The following PCED1A variants were observed in gnomAD, a reference collection of about 807,000 sequenced individuals.
PCED1A encodes the protein PC-esterase domain containing 1A.
Under a neutral mutation model 41.9 loss-of-function variants are expected in PCED1A, and 20 were observed. The observed-to-expected ratio is 0.48, with a 90% CI of 0.34 to 0.69. The LOEUF is 0.69. Among genes scored for constraint, PCED1A ranks in the 30% least tolerant of loss-of-function variants. The pLI, the probability that PCED1A is intolerant of heterozygous loss-of-function variation, is 0.01. For missense variants in PCED1A, 498 were observed against 602.1 expected, an observed-to-expected ratio of 0.83 and a Z score of 1.81; for synonymous variants, 236 against 241.3, an observed-to-expected ratio of 0.98 and a Z score of 0.20.
upstream of PCED1A, chr20:2,840,988 A>T (rs1304197443): frequency 1.5e-6 from 1 of 678,928 alleles, no homozygotes; most frequent in African/African-American, 1.9e-5. Context: ...GCCTTTGGGC[A>T]GGGAGCCGGG....
At chr20:2,836,955 G>A (rs1228961490) in intron 6 of PCED1A, among the ~76,000 whole-genome samples, 2 of 152,108 alleles carry the variant, frequency 1.3e-5, no homozygotes, top group Non-Finnish European at 2.9e-5. Context: ...CTGCCACTGT[G>A]CCCTCAGTTT....
At position 2,839,904 on chromosome 20, in the gene PCED1A, G is replaced by A. The variant is rs143418384; in HGVS notation, c.9C>T (p.Phe3=). The A allele has an allele frequency of 8.7e-6, 14 of 1,612,616 alleles. No individual in the cohort carries two copies. Among genetic ancestry groups the A allele is most frequent in the Non-Finnish European group, 1.1e-5 (13 of 1,179,752 alleles). MV[F]CLSSEEPRRP... ...GGCGCGGCTCCTCGCTCGACAGACAGAAGACCATGCCGCCACCAGCAACGA... is the reference window on the plus strand; with the variant it reads ...GGCGCGGCTCCTCGCTCGACAGACAAAAGACCATGCCGCCACCAGCAACGA... The change falls in exon 2 of 8, where the codon TTC becomes TTT. Residue 3 remains phenylalanine, a synonymous_variant. Transcript: ENST00000360652.
upstream of PCED1A, chr20:2,840,807 C>G: frequency 6.5e-7 from 1 of 1,548,172 alleles, no homozygotes; most frequent in Non-Finnish European, 8.7e-7. Context: ...GGAACCCACT[C>G]GGGGACTCTG....
Position 2,836,261 on chromosome 20 carries a change from T to A in PCED1A, c.895A>T (p.Arg299Trp), listed in dbSNP as rs1340576325. The change falls in exon 7 of 8, where the codon AGG (arginine) becomes TGG (tryptophan). Residue 299 changes from arginine to tryptophan, a missense_variant. Arg to Trp is a moderately radical substitution (Grantham distance 101, BLOSUM62 -3). Transcript: ENST00000360652. ...TGCTCCCCGAAGTCTGGGGTCTGCCTATGGCTTCCCTGGAATGGATGATTC... is the reference window on the plus strand; with the variant it reads ...TGCTCCCCGAAGTCTGGGGTCTGCCAATGGCTTCCCTGGAATGGATGATTC... ...EMNHPFQGSH[R>W]QTPDFGEHLA... 6.2e-7 allele frequency: 1 copy of A among 1,614,144 alleles called. No homozygotes were observed. The highest frequency in any genetic ancestry group is 1.1e-5 in the South Asian group (1 of 91,082).
At chr20:2,840,678 C>A, upstream of PCED1A, 1 of 1,387,130 alleles carries the variant, frequency 7.2e-7, no homozygotes, top group Non-Finnish European at 1.0e-6. Flanking sequence ...GGCGGCCTCG[C>A]CACGTGACCC....
In PCED1A at chr20:2,840,498, C is replaced by T. The variant is rs913659; in HGVS notation, c.-309G>A. ...GCTTCCACTTCCGTTCACCCATGTC[C>T]CGCCCTGAGCGACCCCCAGTGCCCG... On this transcript the variant is annotated 5_prime_UTR_variant, in exon 1 of 8. Coordinates refer to ENST00000360652, the MANE Select transcript of PCED1A (RefSeq NM_022760.6). 0.16 allele frequency: 85,392 copies of T among 535,332 alleles called. 8,810 individuals carry two copies. Among genetic ancestry groups the T allele is most frequent in the African/African-American group, 0.4 (19,734 of 48,948 alleles). 33.2% of individuals were successfully genotyped at this position (535,332 alleles called of 1,614,324 possible).
chr20:2,839,610 G>C (rs1405076809), intron 2 of PCED1A, among the ~76,000 whole-genome samples, 179 bp downstream of exon 2: 1 of 152,168 alleles, frequency 6.6e-6, no homozygotes, highest in African/African-American at 2.4e-5. Context: ...AAAGTGCACA[G>C]GTTATTACAC....
At chr20:2,837,026 A>G (rs187886350) in intron 6 of PCED1A, among the ~76,000 whole-genome samples, 2 of 152,184 alleles carry the variant, frequency 1.3e-5, no homozygotes, top group Admixed American at 1.3e-4. Context: ...AGAACCTCAA[A>G]TCAATCTGCT....
Position 2,838,265 on chromosome 20 carries a change from C to T in PCED1A, c.808G>A (p.Gly270Ser), listed in dbSNP as rs777726244. The T allele has an allele frequency of 2.5e-6, 4 of 1,614,110 alleles. No homozygotes were observed. The Admixed American group carries it at 6.7e-5, about 27-fold the overall frequency. The change falls in exon 6 of 8, where the codon GGC (glycine) becomes AGC (serine). Residue 270 changes from glycine to serine, a missense_variant. This residue lies in a region of PCED1A where 253 missense variants were observed against 369.7 expected (regional missense o/e 0.68). Transcript: ENST00000360652. The surrounding 1 kb of genome is among the most constrained non-coding windows in gnomAD (Gnocchi z 5.8). Reference sequence around the variant, plus strand: ...TAGCCACGCTTGGGCAGCTCCACGCCCCAGGCGTCAGCCACATGGGTCAGA... The same window carrying T: ...TAGCCACGCTTGGGCAGCTCCACGCTCCAGGCGTCAGCCACATGGGTCAGA... ...LLLTHVADAW[G>S]VELPKRGYPP...
In PCED1A at chr20:2,835,519, G is replaced by C. The variant is rs751598073; in HGVS notation, c.1308C>G (p.Ile436Met). 1 of 1,614,160 alleles carries C rather than the reference G, an allele frequency of 6.2e-7. No individual in the cohort carries two copies. Among genetic ancestry groups the C allele is most frequent in the Non-Finnish European group, 8.5e-7 (1 of 1,180,002 alleles). The change falls in exon 8 of 8, where the codon ATC becomes ATG. Residue 436 changes from isoleucine (I) to methionine (M), a missense_variant. Ile to Met is a conservative substitution (Grantham distance 10, BLOSUM62 1). This residue lies in a region of PCED1A where 245 missense variants were observed against 232.4 expected (regional missense o/e 1.05). Coordinates refer to ENST00000360652, the MANE Select transcript of PCED1A (RefSeq NM_022760.6). ...GCCGTCTGTCCAGTTTGTATGTGTG[G>C]ATCAGTCTCTCTGAGTGTCTGAGCC... ...RQRLRHSERL[I>M]HTYKLDRRPP...
chr20:2,836,101 A>G lies in PCED1A; in HGVS notation c.1055T>C (p.Phe352Ser). 1 of 1,551,360 alleles carries G rather than the reference A, an allele frequency of 6.4e-7. No homozygotes were observed. Among genetic ancestry groups the G allele is most frequent in the Non-Finnish European group, 8.7e-7 (1 of 1,150,032 alleles). The stretch of plus-strand genomic sequence containing the variant: ...ATAGTTGAAGAATTCATGGGGTGGG[A>G]AGGGCTGGCCTGGGAAAAAAGGGGT... Reference protein sequence around the residue: ...QDTPFFPGQPFPPHEFFNYNP... With the variant: ...QDTPFFPGQPSPPHEFFNYNP... The change falls in exon 7 of 8, where the codon TTC (phenylalanine) becomes TCC (serine). Residue 352 changes from phenylalanine to serine, a missense_variant. Physicochemically the swap from Phe to Ser is radical, Grantham distance 155. Transcript: ENST00000360652.
chr20:2,839,341 C>G, intron 2 of PCED1A, 70 bp from the exon 3 acceptor site: 2 of 1,452,294 alleles, frequency 1.4e-6, no homozygotes, highest in South Asian at 2.3e-5. Context: ...AAGTCCAGGA[C>G]CCCATTTTCC....
rs780422960 is a variant in PCED1A, at chr20:2,839,884, G to A, written c.29C>T (p.Pro10Leu). Reference protein sequence around the residue: MVFCLSSEEPRRPLRSDMVH... With the variant: MVFCLSSEELRRPLRSDMVH... The stretch of plus-strand genomic sequence containing the variant: ...CATGTCGCTTCGCAGCGGGCGGCGC[G>A]GCTCCTCGCTCGACAGACAGAAGAC... The change falls in exon 2 of 8, where the codon CCG becomes CTG. Residue 10 changes from proline to leucine, a missense_variant. Pro to Leu is a moderately conservative substitution (Grantham distance 98). Transcript: ENST00000360652. 1.4e-5 allele frequency: 23 copies of A among 1,613,680 alleles called. No individual in the cohort carries two copies. The highest frequency in any genetic ancestry group is 1.6e-4 in the Middle Eastern group (1 of 6,084).
At position 2,840,465 on chromosome 20, in the gene PCED1A, C is replaced by G. The variant is rs1033113469; in HGVS notation, c.-276G>C. The G allele has an allele frequency of 2.2e-6, 1 of 462,740 alleles. No individual in the cohort carries two copies. The highest frequency in any genetic ancestry group is 2.5e-5 in the South Asian group (1 of 40,200). 28.7% of individuals were successfully genotyped at this position (462,740 alleles called of 1,614,324 possible). Reference sequence around the variant, plus strand: ...CAGGCCTCGGCGCCTCGGGCTGCGACGCTCACAGCTTCCACTTCCGTTCAC... The same window carrying G: ...CAGGCCTCGGCGCCTCGGGCTGCGAGGCTCACAGCTTCCACTTCCGTTCAC... On this transcript the variant is annotated 5_prime_UTR_variant, in exon 1 of 8. Coordinates refer to ENST00000360652, the MANE Select transcript of PCED1A (RefSeq NM_022760.6).
Position 2,838,269 on chromosome 20 carries a change from G to A in PCED1A, c.804C>T (p.Ala268=). ...SHLLLTHVAD[A]WGVELPKRGY... ...CACGCTTGGGCAGCTCCACGCCCCA[G>A]GCGTCAGCCACATGGGTCAGAAGCA... The change falls in exon 6 of 8, where the codon GCC becomes GCT. Residue 268 remains alanine, a synonymous_variant. Transcript: ENST00000360652. This position sits in a 1 kb window ranked among gnomAD's most constrained non-coding sequence, Gnocchi z 5.8. 2 of 1,614,258 alleles carry A rather than the reference G, an allele frequency of 1.2e-6. No homozygotes were observed. Among genetic ancestry groups the A allele is most frequent in the Non-Finnish European group, 1.7e-6 (2 of 1,180,042 alleles).
chr20:2,840,799 A>G, upstream of PCED1A: 1 of 1,548,244 alleles, frequency 6.5e-7, no homozygotes, highest in Non-Finnish European at 8.7e-7. Flanking sequence ...GGCGAACTGG[A>G]ACCCACTCGG....
intron 6 of PCED1A, among the ~76,000 whole-genome samples, chr20:2,837,782 C>A (rs1479724777): frequency 6.6e-6 from 1 of 152,278 alleles, no homozygotes; most frequent in Admixed American, 6.5e-5. Flanking sequence ...ATAAGGCTGG[C>A]CTTCCCGATG....
intron 6 of PCED1A, among the ~76,000 whole-genome samples, chr20:2,837,291 A>G (rs1414729472): frequency 1.3e-5 from 2 of 152,114 alleles, no homozygotes; most frequent in Non-Finnish European, 2.9e-5. Context: ...GTCTGTCTCT[A>G]TGATATTCCT....
chr20:2,837,346 C>A (rs1374028245), intron 6 of PCED1A, among the ~76,000 whole-genome samples: 1 of 152,176 alleles, frequency 6.6e-6, no homozygotes, highest in African/African-American at 2.4e-5. Flanking sequence ...CATAATCGGC[C>A]TTCTAACATG....
Sources: gnomAD v4.1 joint callset for allele counts (sites outside exome capture counted in the v4.1 genomes callset) on GRCh38, gnomAD v4.1.1 for gene constraint, gnomAD v4.1.1 regional missense constraint, Gnocchi (gnomAD v3.1) non-coding constraint, MANE v1.5 for transcripts, NCBI Gene and HGNC (gene_info 2026-07-23, HGNC 2026-07-21) for gene names.